The following PKHD1 variants were observed in gnomAD, a reference collection of about 807,000 sequenced individuals.
PKHD1 encodes fibrocystin.
In PKHD1, 291 loss-of-function variants were observed where a neutral mutation model predicts 412.0. The ratio of observed to expected loss-of-function variants is 0.71; its 90% CI spans 0.64 to 0.78. The LOEUF (loss-of-function observed/expected upper bound fraction) is 0.78, where lower values mean the gene tolerates loss of function less well. Ranked by LOEUF, PKHD1 falls within the 30% of genes least tolerant of loss-of-function variation. The pLI, the probability that PKHD1 is intolerant of heterozygous loss-of-function variation, is 0.00. For synonymous variants in PKHD1, 1,777 were observed against 1,821.5 expected (o/e 0.98, Z 0.62); for missense variants, 4,825 against 4,950.7 (o/e 0.97, Z 0.76).
intron 36 of PKHD1, 48 bp downstream of exon 36, chr6:51,959,822 T>A (rs1791721410): frequency 6.6e-7 from 1 of 1,522,624 alleles, no homozygotes; most frequent in East Asian, 2.3e-5. Context: ...CCCCTACAAG[T>A]GATATAATCA....
At chr6:51,771,378 T>C (rs902748437) in intron 55 of PKHD1, among the ~76,000 whole-genome samples, 1 of 152,114 alleles carries the variant, frequency 6.6e-6, no homozygotes, top group African/African-American at 2.4e-5. Flanking sequence ...TCCCAGGCCT[T>C]TGGGAGGCCA....
At chr6:51,675,563 G>A (rs900255674) in intron 60 of PKHD1, among the ~76,000 whole-genome samples, 4 of 152,132 alleles carry the variant, frequency 2.6e-5, no homozygotes, top group African/African-American at 9.7e-5. Flanking sequence ...TGAACTCACC[G>A]TGAAAGGCCT....
Position 51,934,206 on chromosome 6 carries a change from C to T in PKHD1, c.6025G>A (p.Ala2009Thr), listed in dbSNP as rs761786260. The change falls in exon 37 of 67, where the codon GCT (alanine) becomes ACT (threonine). Residue 2009 changes from alanine (A) to threonine (T), a missense_variant. Transcript: ENST00000371117. ...GAACTCCCGTAGAGTGTGATCTGAG[C>T]TCTGCCTTGGAAGGGCTTGTCTTCG... Reference protein sequence around the residue: ...GSEDKPFQGRAQITLYGSSYS... With the variant: ...GSEDKPFQGRTQITLYGSSYS... 1.9e-6 allele frequency: 3 copies of T among 1,613,874 alleles called. No individual in the cohort carries two copies. The highest frequency in any genetic ancestry group is 2.5e-6 in the Non-Finnish European group (3 of 1,179,786).
intron 34 of PKHD1, among the ~76,000 whole-genome samples, chr6:52,016,226 G>T (rs1253660898): frequency 2.0e-5 from 3 of 152,112 alleles, no homozygotes; most frequent in Non-Finnish European, 4.4e-5. Context: ...TAAACCTCTG[G>T]TGCCAAATTC....
intron 52 of PKHD1, among the ~76,000 whole-genome samples, chr6:51,811,871 T>A (rs969290884): frequency 2.6e-5 from 4 of 152,170 alleles, no homozygotes; most frequent in Non-Finnish European, 4.4e-5. Flanking sequence ...GGCTAAATGG[T>A]TCTTGATATT....
At chr6:51,937,175 C>A (rs1026846558) in intron 36 of PKHD1, among the ~76,000 whole-genome samples, 1 of 152,222 alleles carries the variant, frequency 6.6e-6, no homozygotes, top group African/African-American at 2.4e-5. Context: ...TAAGTTAACT[C>A]TTTCAACCAA....
intron 35 of PKHD1, among the ~76,000 whole-genome samples, chr6:51,994,171 T>G (rs894470664): frequency 2.0e-5 from 3 of 151,820 alleles, no homozygotes; most frequent in Admixed American, 6.6e-5. Flanking sequence ...GTCTCGCTCT[T>G]TCGCCCAGGC....
At chr6:51,756,230 C>T (rs1299906132) in intron 55 of PKHD1, among the ~76,000 whole-genome samples, 1 of 152,130 alleles carries the variant, frequency 6.6e-6, no homozygotes, top group Admixed American at 6.6e-5. Context: ...TTTGCTATGA[C>T]TTCCTAGAAA....
At chr6:52,021,604 T>C (rs1031570671) in intron 33 of PKHD1, among the ~76,000 whole-genome samples, 2 of 152,198 alleles carry the variant, frequency 1.3e-5, no homozygotes, top group Non-Finnish European at 1.5e-5. Flanking sequence ...CAGACAATGT[T>C]TTGAACTTCA....
In PKHD1 at chr6:52,026,102, G is replaced by T; in HGVS notation, c.3708C>A (p.Ser1236=). Residue 1236 remains serine (S), a synonymous_variant, in exon 32 of 67, where the codon TCC becomes TCA. Coordinates refer to ENST00000371117, the MANE Select transcript of PKHD1 (RefSeq NM_138694.4). ...ALVWVLVGNR[S]CDIVNLTEAS... ...CCTCCGTTAAGTTCACAATGTCACAGGACCGATTGCCCACAAGTACCCAAA... is the reference window on the plus strand; with the variant it reads ...CCTCCGTTAAGTTCACAATGTCACATGACCGATTGCCCACAAGTACCCAAA... 1 of 1,614,142 alleles carries T rather than the reference G, an allele frequency of 6.2e-7. No individual in the cohort carries two copies. The highest frequency in any genetic ancestry group is 8.5e-7 in the Non-Finnish European group (1 of 1,180,006).
intron 35 of PKHD1, among the ~76,000 whole-genome samples, chr6:52,005,799 G>A (rs1199353050): frequency 2.0e-5 from 3 of 151,862 alleles, no homozygotes; most frequent in Non-Finnish European, 2.9e-5. Flanking sequence ...TTCACGTATT[G>A]AAGGATCGCA....
intron 21 of PKHD1, among the ~76,000 whole-genome samples, chr6:52,050,715 C>T (rs1806692430): frequency 6.6e-6 from 1 of 152,162 alleles, no homozygotes; most frequent in South Asian, 2.1e-4. Context: ...GAGGCATACA[C>T]AGGGGCACTT....
chr6:51,914,263 T>G (rs985801954), intron 37 of PKHD1, among the ~76,000 whole-genome samples: 14 of 152,104 alleles, frequency 9.2e-5, no homozygotes, highest in South Asian at 4.1e-4. Context: ...GATGAAAAAA[T>G]TCACAGATAA....
At chr6:51,900,167 T>C (rs1053199067) in intron 43 of PKHD1, among the ~76,000 whole-genome samples, 20 of 152,142 alleles carry the variant, frequency 1.3e-4, no homozygotes, top group African/African-American at 4.8e-4. Context: ...GAAAAAAAAC[T>C]ACTTTAAAGT....
At chr6:51,797,037 C>T (rs1348279708) in intron 52 of PKHD1, among the ~76,000 whole-genome samples, 1 of 152,102 alleles carries the variant, frequency 6.6e-6, no homozygotes, top group Non-Finnish European at 1.5e-5. Context: ...TGGTTTTGAA[C>T]TCCTGAACTC....
chr6:52,064,570 T>C (rs1441461429), intron 13 of PKHD1, among the ~76,000 whole-genome samples: 1 of 152,168 alleles, frequency 6.6e-6, no homozygotes, highest in Non-Finnish European at 1.5e-5. Flanking sequence ...GTTTTGAGCA[T>C]AGCAGAGCAC....
At chr6:51,852,359 G>A (rs1772426598) in intron 49 of PKHD1, among the ~76,000 whole-genome samples, 1 of 152,172 alleles carries the variant, frequency 6.6e-6, no homozygotes, top group African/African-American at 2.4e-5. Flanking sequence ...ATGTGGCTCT[G>A]AGAAGAATGT....
Position 52,022,922 on chromosome 6 carries a change from C to A in PKHD1, c.5259G>T (p.Val1753=), listed in dbSNP as rs200864129. 4.6e-5 allele frequency: 75 copies of A among 1,614,172 alleles called. No individual in the cohort carries two copies. The highest frequency in any genetic ancestry group is 6.0e-5 in the Non-Finnish European group (71 of 1,180,026). The change falls in exon 33 of 67, where the codon GTG becomes GTT. Residue 1753 remains valine, a synonymous_variant. Coordinates refer to ENST00000371117, the MANE Select transcript of PKHD1 (RefSeq NM_138694.4). ...GAGAAAATCCCGCTCCAAACACATG[C>A]ACCAGCCTTCCACCCAGGCAGCCTT... ...ENFGCLGGRL[V]HVFGAGFSPG... is the part of the protein sequence containing the mutation.
chr6:51,664,974 T>C (rs1773490722), intron 60 of PKHD1, among the ~76,000 whole-genome samples: 1 of 152,092 alleles, frequency 6.6e-6, no homozygotes, highest in South Asian at 2.1e-4. Flanking sequence ...TAAAATATTC[T>C]CATCATTCTT....
Sources: gnomAD v4.1 joint callset for allele counts (sites outside exome capture counted in the v4.1 genomes callset) on GRCh38, gnomAD v4.1.1 for gene constraint, MANE v1.5 for transcripts, NCBI Gene and HGNC (gene_info 2026-07-23, HGNC 2026-07-21) for gene names.